GALNT13: variants seen among roughly 807,000 people sequenced by gnomAD.
GALNT13 encodes polypeptide N-acetylgalactosaminyltransferase 13, also known as UDP-GalNAc:polypeptide N-acetylgalactosaminyltransferase 13.
A neutral mutation model predicts 64.2 loss-of-function variants in GALNT13; 28 were observed. The observed-to-expected ratio is 0.44, with a 90% CI of 0.32 to 0.60. The LOEUF is 0.60. GALNT13 is among the 20% of genes least tolerant of loss of function. The probability of loss-of-function intolerance (pLI) is 0.05; values close to 1 mark genes in which losing one functional copy is unlikely to be tolerated. For missense variants in GALNT13, 577 were observed against 669.8 expected (o/e 0.86, Z 1.53); for synonymous variants, 214 against 224.6 (o/e 0.95, Z 0.42).
intron 1 of GALNT13, among the ~76,000 whole-genome samples, chr2:153,885,637 C>T (rs761463852): frequency 2.0e-5 from 3 of 152,018 alleles, no homozygotes; most frequent in East Asian, 1.9e-4. Flanking sequence ...TGTTTTTAAA[C>T]GGTACCAGTT....
At chr2:153,463,528 C>T in the GALNT13 span, among the ~76,000 whole-genome samples, 1 of 152,070 alleles carries the variant, frequency 6.6e-6, no homozygotes, top group African/African-American at 2.4e-5. Context: ...TGCAGAACCC[C>T]TCAATCCCTC....
chr2:153,695,342 A>C, the GALNT13 span, among the ~76,000 whole-genome samples: 23 of 152,310 alleles, frequency 1.5e-4, no homozygotes, highest in African/African-American at 5.5e-4. Context: ...CAAAAATACA[A>C]GTTTATAGAT....
upstream of GALNT13, among the ~76,000 whole-genome samples, chr2:153,868,435 G>A (rs1016731503): frequency 2.0e-5 from 3 of 152,130 alleles, no homozygotes; most frequent in African/African-American, 7.2e-5. Flanking sequence ...AATATTATTA[G>A]ATTTCATTTT....
chr2:153,246,755 C>G, the GALNT13 span, among the ~76,000 whole-genome samples: 158 of 152,252 alleles, frequency 1.0e-3, 1 homozygote, highest in African/African-American at 3.4e-3. Flanking sequence ...TGCAAAATAA[C>G]CAGCTGGCAT....
chr2:153,851,555 A>G, the GALNT13 span, among the ~76,000 whole-genome samples: 38 of 149,234 alleles, frequency 2.5e-4, no homozygotes, highest in African/African-American at 8.6e-4. Context: ...AAAAAAAAAA[A>G]GTAGCTTGGT....
intron 9 of GALNT13, among the ~76,000 whole-genome samples, chr2:154,354,904 C>G (rs1269679082): frequency 1.3e-5 from 2 of 150,876 alleles, no homozygotes; most frequent in African/African-American, 4.9e-5. Flanking sequence ...GCCAGTGTTT[C>G]TATACATAGA....
At chr2:154,142,498 G>A (rs1384707192) in intron 4 of GALNT13, among the ~76,000 whole-genome samples, 1 of 134,898 alleles carries the variant, frequency 7.4e-6, no homozygotes, top group Non-Finnish European at 1.5e-5. Context: ...GGAGTGAGCC[G>A]AGATTTTGCC....
Position 154,406,596 on chromosome 2 carries a change from C to T in GALNT13, c.1297-2388C>T, listed in dbSNP as rs116651057. Among the ~76,000 whole-genome samples the T allele has an allele frequency of 5.5e-3, 834 of 152,248 alleles. 8 individuals carry two copies. Among genetic ancestry groups the T allele is most frequent in the African/African-American group, 0.016 (663 of 41,560 alleles). On this transcript the variant is annotated intron_variant, in intron 10 of 12. Transcript: ENST00000392825. ...TATGGTTGCTCTCCTCTTCATTAAACGTCTTTTCAAGTGTCTTTATTCCAA... is the reference window on the plus strand; with the variant it reads ...TATGGTTGCTCTCCTCTTCATTAAATGTCTTTTCAAGTGTCTTTATTCCAA...
At chr2:154,113,501 C>T (rs900507265) in intron 3 of GALNT13, among the ~76,000 whole-genome samples, 4 of 152,186 alleles carry the variant, frequency 2.6e-5, no homozygotes, top group Admixed American at 2.0e-4. Context: ...GTAGGAGGGG[C>T]CAAATGCAGC....
chr2:154,397,075 A>G (rs1272346328), intron 10 of GALNT13, among the ~76,000 whole-genome samples: 1 of 151,864 alleles, frequency 6.6e-6, no homozygotes, highest in African/African-American at 2.4e-5. Context: ...TATCCTCCAT[A>G]TTGATAATTT....
intron 3 of GALNT13, among the ~76,000 whole-genome samples, chr2:154,064,840 A>C (rs1574436934): frequency 6.6e-6 from 1 of 152,144 alleles, no homozygotes; most frequent in African/African-American, 2.4e-5. Context: ...CTTCTGCTTG[A>C]GAAATGCAGA....
chr2:153,898,564 T>C (rs1406189785), intron 1 of GALNT13, among the ~76,000 whole-genome samples: 1 of 152,090 alleles, frequency 6.6e-6, no homozygotes, highest in Non-Finnish European at 1.5e-5. Flanking sequence ...GGCATGTCCA[T>C]GGTAAATGTA....
the GALNT13 span, among the ~76,000 whole-genome samples, chr2:153,428,445 T>C: frequency 6.6e-6 from 1 of 152,100 alleles, no homozygotes; most frequent in East Asian, 1.9e-4. Flanking sequence ...CACCAAGCCA[T>C]TCATGAGGGA....
At chr2:154,138,836 C>T (rs377152859) in intron 3 of GALNT13, among the ~76,000 whole-genome samples, 228 of 151,860 alleles carry the variant, frequency 1.5e-3, no homozygotes, top group African/African-American at 5.2e-3. Context: ...TATACTAACA[C>T]CTAAAGAAAA....
chr2:153,384,413 C>G, the GALNT13 span, among the ~76,000 whole-genome samples: 1 of 152,046 alleles, frequency 6.6e-6, no homozygotes, highest in Non-Finnish European at 1.5e-5. Context: ...GAAGCAGTGA[C>G]TCTTCGATTA....
the GALNT13 span, among the ~76,000 whole-genome samples, chr2:153,803,854 CCTTAGT>C: frequency 6.6e-6 from 1 of 152,064 alleles, no homozygotes; most frequent in Non-Finnish European, 1.5e-5. Flanking sequence ...CTTGCCAGCA[CCTTAGT>C]CTTAGACTTC....
At chr2:153,572,518 T>C in the GALNT13 span, among the ~76,000 whole-genome samples, 1 of 151,942 alleles carries the variant, frequency 6.6e-6, no homozygotes, top group South Asian at 2.1e-4. Flanking sequence ...TTAAGTTCTT[T>C]AAGGCGTATC....
At chr2:153,725,781 C>A in the GALNT13 span, among the ~76,000 whole-genome samples, 1 of 118,626 alleles carries the variant, frequency 8.4e-6, no homozygotes, top group East Asian at 2.7e-4. Context: ...ATGTGCAGCA[C>A]AGCTTAATCA....
At chr2:154,107,343 C>G (rs1413986499) in intron 3 of GALNT13, among the ~76,000 whole-genome samples, 1 of 151,828 alleles carries the variant, frequency 6.6e-6, no homozygotes, top group Non-Finnish European at 1.5e-5. Flanking sequence ...GCCTGTGATC[C>G]CAGCACTTTG....
Sources: gnomAD v4.1 joint callset for allele counts (sites outside exome capture counted in the v4.1 genomes callset) on GRCh38, gnomAD v4.1.1 for gene constraint, MANE v1.5 for transcripts, NCBI Gene and HGNC (gene_info 2026-07-23, HGNC 2026-07-21) for gene names.